Variants in C8orf34 observed in about 807,000 individuals in gnomAD.
C8orf34 encodes the protein chromosome 8 open reading frame 34.
Under a neutral mutation model 68.3 loss-of-function variants are expected in C8orf34, and 65 were observed. The ratio of observed to expected loss-of-function variants is 0.95; its 90% CI spans 0.78 to 1.17. The LOEUF (loss-of-function observed/expected upper bound fraction) is 1.17. Ranked by LOEUF, C8orf34 falls within the 50% of genes most tolerant of loss-of-function variation. The probability of loss-of-function intolerance (pLI) is 0.00; values close to 1 mark genes in which losing one functional copy is unlikely to be tolerated. For synonymous variants in C8orf34, 244 were observed against 241.2 expected (o/e 1.01, Z -0.11); for missense variants, 664 against 655.4 (o/e 1.01, Z -0.14).
rs368263371 is a variant in C8orf34 at position 68,530,289 on chromosome 8, AG to A, written c.939-2693del. Among the ~76,000 whole-genome samples the A allele has an allele frequency of 5.4e-3, 828 of 152,234 alleles. 8 individuals are homozygous for A. The highest frequency in any genetic ancestry group is 0.019 in the African/African-American group (801 of 41,568). On this transcript the variant is annotated intron_variant, in intron 6 of 13. Transcript: ENST00000518698. ...TGGATAACAAAACTGAGGAAAAGAAAGAAGTAACTTGCCCCAAATTATTCAT... is the reference window on the plus strand; with the variant it reads ...TGGATAACAAAACTGAGGAAAAGAAAAAGTAACTTGCCCCAAATTATTCAT...
chr8:68,773,797 T>A (rs976031461), intron 10 of C8orf34, among the ~76,000 whole-genome samples: 6 of 152,108 alleles, frequency 3.9e-5, no homozygotes, highest in Non-Finnish European at 7.4e-5. Flanking sequence ...AAACAAATGG[T>A]ATTGTGTAGG....
At chr8:68,587,874 AATGTGAATGCAG>A (rs1181072437) in intron 7 of C8orf34, among the ~76,000 whole-genome samples, 2 of 152,088 alleles carry the variant, frequency 1.3e-5, no homozygotes, top group African/African-American at 4.8e-5. Flanking sequence ...AGAGAGAGAG[AATGTGAATGCAG>A]ATGTGAATGC....
rs1389336287 is a variant in C8orf34 at position 68,394,022 on chromosome 8, G to A, written c.328-45477G>A. Among the ~76,000 whole-genome samples the A allele has an allele frequency of 4.6e-5, 7 of 152,174 alleles. No homozygotes were observed. The East Asian group carries it at 1.4e-3, about 29-fold the overall frequency. ...ACTTAGCAATCAAATACCTTTGGGG[G>A]CTTCGAGTGGAGGAGAATTCAAGAA... On this transcript the variant is annotated intron_variant, in intron 1 of 13. Transcript: ENST00000518698.
At chr8:68,653,988 A>C (rs981040421) in intron 8 of C8orf34, among the ~76,000 whole-genome samples, 17 of 152,326 alleles carry the variant, frequency 1.1e-4, no homozygotes, top group African/African-American at 3.4e-4. Flanking sequence ...GTTTTAATAC[A>C]TATTTATATG....
intron 9 of C8orf34, among the ~76,000 whole-genome samples, 150 bp from the exon 10 acceptor site, chr8:68,721,208 ATAT>A (rs997923882): frequency 3.9e-5 from 6 of 151,972 alleles, no homozygotes; most frequent in African/African-American, 1.4e-4. Context: ...TTTAAGCTAA[ATAT>A]TATTTCACGT....
chr8:68,560,173 CG>C lies in C8orf34; in HGVS notation c.1105+27026del, dbSNP rs553695450. Reference sequence around the variant, plus strand: ...TTTTTTTTTTTGAATGAAACAGTGTCGGAGTGGCAGACTGGAAGATGTATTG... The same window carrying C: ...TTTTTTTTTTTGAATGAAACAGTGTCGAGTGGCAGACTGGAAGATGTATTG... On this transcript the variant is annotated intron_variant, in intron 7 of 13. Coordinates refer to ENST00000518698, the MANE Select transcript of C8orf34 (RefSeq NM_052958.4). Among the ~76,000 whole-genome samples the C allele has an allele frequency of 1.9e-4, 29 of 150,200 alleles. 1 individual carries two copies. The South Asian group carries it at 5.7e-3, about 30-fold the overall frequency.
intron 3 of C8orf34, among the ~76,000 whole-genome samples, chr8:68,458,413 G>C (rs1011183503): frequency 2.0e-5 from 3 of 152,046 alleles, no homozygotes; most frequent in Non-Finnish European, 2.9e-5. Flanking sequence ...AACCTAGGCT[G>C]TGTCTGGTAG....
intron 13 of C8orf34, among the ~76,000 whole-genome samples, chr8:68,818,005 G>A (rs1824870680): frequency 6.6e-6 from 1 of 152,076 alleles, no homozygotes; most frequent in Admixed American, 6.5e-5. Flanking sequence ...TTCGGGTGAG[G>A]ACACAAAGCC....
chr8:68,499,511 G>A (rs1162374569), intron 5 of C8orf34, among the ~76,000 whole-genome samples: 3 of 152,246 alleles, frequency 2.0e-5, no homozygotes, highest in Admixed American at 6.5e-5. Flanking sequence ...AGGTGAAGGA[G>A]GATGCATAGT....
chr8:68,589,483 AAAG>A (rs777772656), intron 7 of C8orf34, among the ~76,000 whole-genome samples: 6 of 151,262 alleles, frequency 4.0e-5, no homozygotes, highest in Non-Finnish European at 5.9e-5. Context: ...AGAGGAAAAG[AAAG>A]AAGAAAGAAA....
At chr8:68,573,137 T>TA (rs1448499548) in intron 7 of C8orf34, among the ~76,000 whole-genome samples, 1 of 152,166 alleles carries the variant, frequency 6.6e-6, no homozygotes, top group African/African-American at 2.4e-5. Context: ...ACATTGATTT[T>TA]GGGTCTTTAC....
chr8:68,335,606 T>G (rs929278588), intron 1 of C8orf34, among the ~76,000 whole-genome samples: 1 of 152,190 alleles, frequency 6.6e-6, no homozygotes, highest in Non-Finnish European at 1.5e-5. Flanking sequence ...TTACTTTAAT[T>G]AACATGTTTC....
chr8:68,687,626 A>G (rs893334105), intron 8 of C8orf34, among the ~76,000 whole-genome samples: 13 of 152,130 alleles, frequency 8.5e-5, no homozygotes, highest in Non-Finnish European at 1.6e-4. Context: ...GATGGATAAA[A>G]GGCTTAAATC....
chr8:68,673,757 G>A (rs1820092568), intron 8 of C8orf34, among the ~76,000 whole-genome samples: 1 of 152,090 alleles, frequency 6.6e-6, no homozygotes, highest in African/African-American at 2.4e-5. Flanking sequence ...ACCATCTGTT[G>A]ATTATAGAGC....
chr8:68,439,519 A>T lies in C8orf34; in HGVS notation c.348A>T (p.Ile116=). The part of the protein sequence containing the change: ...PLFEELMTKL[I]TETPDQPIPF... ...TTCAGGAATTAATGACCAAGTTAAT[A>T]ACTGAGACACCTGACCAGCCAATCC... is the stretch of plus-strand genomic sequence containing the variant. The change falls in exon 2 of 14, where the codon ATA becomes ATT. Residue 116 remains isoleucine (I), a synonymous_variant. Transcript: ENST00000518698. 1 of 1,613,622 alleles carries T rather than the reference A, an allele frequency of 6.2e-7. No homozygotes were observed. Among genetic ancestry groups the T allele is most frequent in the Non-Finnish European group, 8.5e-7 (1 of 1,179,746 alleles).
At position 68,787,463 on chromosome 8, in the gene C8orf34, G is replaced by A; in HGVS notation, c.1476G>A (p.Leu492=). ...YMEEDESLKQ[L]QVVHQPWILP... ...TGCAGGATGAATCCTTAAAGCAATT[G>A]CAGGTAGTTCATCAACCATGGATCT... The change falls in exon 12 of 14, where the codon TTG becomes TTA. Residue 492 remains leucine (L), a synonymous_variant. Transcript: ENST00000518698. The A allele has an allele frequency of 6.2e-7, 1 of 1,611,872 alleles. No individual in the cohort carries two copies.
intron 8 of C8orf34, among the ~76,000 whole-genome samples, chr8:68,685,381 TAATATTAACTG>T (rs1449476148): frequency 1.3e-5 from 2 of 152,228 alleles, no homozygotes; most frequent in African/African-American, 4.8e-5. Flanking sequence ...CAGCCCAAAT[TAATATTAACTG>T]AACAACTAAG....
chr8:68,506,898 G>A (rs1407452808), intron 5 of C8orf34, among the ~76,000 whole-genome samples: 4 of 152,068 alleles, frequency 2.6e-5, no homozygotes, highest in African/African-American at 7.2e-5. Context: ...TTCTAGAGCC[G>A]TTTTTGAAGT....
intron 8 of C8orf34, among the ~76,000 whole-genome samples, chr8:68,681,601 G>T (rs1256973063): frequency 2.0e-5 from 3 of 152,140 alleles, no homozygotes; most frequent in African/African-American, 7.2e-5. Flanking sequence ...GAACAGTTTG[G>T]AAGTTCCTCG....
Sources: allele counts gnomAD v4.1 joint callset (sites outside exome capture counted in the v4.1 genomes callset), GRCh38; gene constraint gnomAD v4.1.1; transcripts MANE v1.5; gene names NCBI Gene and HGNC (gene_info 2026-07-23, HGNC 2026-07-21).